Variants in GRID1 observed in about 807,000 individuals in gnomAD.
GRID1 encodes glutamate receptor ionotropic, delta-1.
Under a neutral mutation model 98.0 loss-of-function variants are expected in GRID1, and 28 were observed. The ratio of observed to expected loss-of-function variants is 0.29; its 90% CI spans 0.21 to 0.39. The LOEUF (loss-of-function observed/expected upper bound fraction) is 0.39. GRID1 is among the 10% of genes least tolerant of loss of function. The pLI is 1.00. For missense variants in GRID1, 1,111 were observed against 1,340.5 expected, an observed-to-expected ratio of 0.83 and a Z score of 2.67; for synonymous variants, 553 against 538.5, an observed-to-expected ratio of 1.03 and a Z score of -0.37.
Position 85,617,928 on chromosome 10 carries a change from C to G in GRID1, c.2360+1939G>C, listed in dbSNP as rs550875926. 1.4e-4 allele frequency among the ~76,000 whole-genome samples: 22 copies of G among 152,302 alleles called. 2 individuals are homozygous for G. The South Asian group carries it at 4.4e-3, about 30-fold the overall frequency. On this transcript the variant is annotated intron_variant, in intron 14 of 15. Transcript: ENST00000327946. Reference sequence around the variant, plus strand: ...CACACACCCCATGTTGGCCCTGGCCCTGGTCCTCTGAAGCCACACAAAGGA... The same window carrying G: ...CACACACCCCATGTTGGCCCTGGCCGTGGTCCTCTGAAGCCACACAAAGGA...
intron 2 of GRID1, among the ~76,000 whole-genome samples, chr10:86,319,609 A>G (rs533085186): frequency 9.9e-4 from 150 of 151,584 alleles, no homozygotes; most frequent in African/African-American, 3.0e-3. Flanking sequence ...CCATCCCACC[A>G]TGGGGAGCAC....
At chr10:86,126,484 T>C (rs979802379) in intron 4 of GRID1, among the ~76,000 whole-genome samples, 1 of 151,840 alleles carries the variant, frequency 6.6e-6, no homozygotes, top group African/African-American at 2.4e-5. Context: ...AGAAAAGAAA[T>C]AGGAACTCCT....
chr10:86,314,193 T>C (rs753742187), intron 2 of GRID1, among the ~76,000 whole-genome samples: 4 of 152,228 alleles, frequency 2.6e-5, no homozygotes, highest in Non-Finnish European at 5.9e-5. Context: ...GCCCCTCAGA[T>C]ACTGTAGCCA....
intron 4 of GRID1, among the ~76,000 whole-genome samples, chr10:86,004,531 A>C (rs1842836730): frequency 6.6e-6 from 1 of 152,168 alleles, no homozygotes; most frequent in Admixed American, 6.5e-5. Flanking sequence ...AATCAGTTGA[A>C]GGCATGAATA....
chr10:85,978,875 T>C (rs1589322122), intron 4 of GRID1, among the ~76,000 whole-genome samples: 2 of 152,326 alleles, frequency 1.3e-5, no homozygotes, highest in East Asian at 3.9e-4. Flanking sequence ...ACGCTTACAG[T>C]AACCCTCCAG....
chr10:86,286,014 T>A (rs977693017), intron 2 of GRID1, among the ~76,000 whole-genome samples: 1 of 152,186 alleles, frequency 6.6e-6, no homozygotes, highest in African/African-American at 2.4e-5. Flanking sequence ...AGGTGAGATG[T>A]AGATACAGAT....
intron 8 of GRID1, among the ~76,000 whole-genome samples, chr10:85,799,141 C>A (rs577883364): frequency 2.4e-4 from 37 of 152,154 alleles, no homozygotes; most frequent in African/African-American, 8.7e-4. Context: ...TTATGAAAAC[C>A]AGTTGGCTGT....
In GRID1 at chr10:85,647,224, C is replaced by T; in HGVS notation, c.2171G>A (p.Ser724Asn). 4 of 1,614,204 alleles carry T rather than the reference C, an allele frequency of 2.5e-6. No homozygotes were observed. Among genetic ancestry groups the T allele is most frequent in the Non-Finnish European group, 3.4e-6 (4 of 1,180,012 alleles). Residue 724 changes from serine to asparagine, a missense_variant, in exon 13 of 16, where the codon AGT becomes AAT. Around this residue, in one of 3 missense-constraint regions of GRID1, gnomAD observed 762 missense variants for 869.1 expected, o/e 0.88. Transcript: ENST00000327946. ...KNGGADNCVS[S>N]PSEGIRKAKK... is the part of the protein sequence containing the mutation. ...TACCTTCCTGATGCCTTCTGAAGGA[C>T]TGGACACGCAGTTGTCAGCCCCTCC...
In GRID1 at chr10:86,365,113, G is replaced by C. The variant is rs369374059; in HGVS notation, c.80-1017C>G. On this transcript the variant is annotated intron_variant, in intron 1 of 15. Coordinates refer to ENST00000327946, the MANE Select transcript of GRID1 (RefSeq NM_017551.3). This position sits in a 1 kb window ranked among gnomAD's most constrained non-coding sequence, Gnocchi z 4.8. ...GAGGCCCGGATTCCTCACTACACCCGGAGCCGGCGCCGCAATGCTGACCGC... is the reference window on the plus strand; with the variant it reads ...GAGGCCCGGATTCCTCACTACACCCCGAGCCGGCGCCGCAATGCTGACCGC... 8.5e-5 allele frequency among the ~76,000 whole-genome samples: 13 copies of C among 152,052 alleles called. No individual in the cohort carries two copies. The highest frequency in any genetic ancestry group is 3.1e-4 in the African/African-American group (13 of 41,392).
chr10:86,354,214 C>G (rs1336988373), intron 2 of GRID1, among the ~76,000 whole-genome samples: 3 of 152,126 alleles, frequency 2.0e-5, no homozygotes, highest in African/African-American at 7.2e-5. Flanking sequence ...GCACAGGCCA[C>G]AGCAGAGCCA....
chr10:86,261,141 G>A (rs532135261), intron 2 of GRID1, among the ~76,000 whole-genome samples: 2 of 152,232 alleles, frequency 1.3e-5, no homozygotes, highest in African/African-American at 4.8e-5. Context: ...CCACAACCCT[G>A]GGAGGTGGTA....
At chr10:85,698,155 G>A (rs372419538) in intron 12 of GRID1, among the ~76,000 whole-genome samples, 1 of 152,040 alleles carries the variant, frequency 6.6e-6, no homozygotes, top group African/African-American at 2.4e-5. Flanking sequence ...ACATTGTGCT[G>A]TCAAAAAACC....
intron 4 of GRID1, among the ~76,000 whole-genome samples, chr10:86,106,662 C>A (rs1844391837): frequency 6.6e-6 from 1 of 152,096 alleles, no homozygotes; most frequent in East Asian, 1.9e-4. Context: ...CCAAGTCATT[C>A]ACTTCTCTGA....
rs113309382 is a variant in GRID1, at chr10:85,991,199, T to G, written c.727-74960A>C. On this transcript the variant is annotated intron_variant, in intron 4 of 15. Transcript: ENST00000327946. ...TGGGTCTAGTTCCTTACGATGCTGG[T>G]GGATCCACTGATTGAATGTAGAATA... 2.8e-3 allele frequency among the ~76,000 whole-genome samples: 423 copies of G among 152,206 alleles called. 2 individuals carry two copies. The highest frequency in any genetic ancestry group is 9.1e-3 in the African/African-American group (379 of 41,524).
intron 12 of GRID1, among the ~76,000 whole-genome samples, chr10:85,648,305 C>T (rs924381994): frequency 2.6e-5 from 4 of 152,052 alleles, no homozygotes; most frequent in African/African-American, 9.7e-5. Context: ...AAGGACCAGT[C>T]GCTATGAAGA....
At chr10:85,701,707 T>C (rs1208034468) in intron 12 of GRID1, among the ~76,000 whole-genome samples, 10 of 152,146 alleles carry the variant, frequency 6.6e-5, no homozygotes, top group African/African-American at 2.4e-4. Flanking sequence ...AACTGATTAT[T>C]CTAAAGGAAG....
rs1036236796 is a variant in GRID1, at chr10:86,161,394, G to A, written c.521-22370C>T. ...GCTGAGTCAGGACAGGCAGCTGCGG[G>A]AAGGGAACAGCATTTACGAAGCTCC... On this transcript the variant is annotated intron_variant, in intron 3 of 15. Coordinates refer to ENST00000327946, the MANE Select transcript of GRID1 (RefSeq NM_017551.3). 2.6e-5 allele frequency among the ~76,000 whole-genome samples: 4 copies of A among 152,154 alleles called. No individual in the cohort carries two copies. In the South Asian group the frequency reaches 8.3e-4, roughly 32 times the overall value.
At chr10:85,990,566 A>G (rs1291838207) in intron 4 of GRID1, among the ~76,000 whole-genome samples, 3 of 152,248 alleles carry the variant, frequency 2.0e-5, no homozygotes, top group African/African-American at 7.2e-5. Flanking sequence ...ACCACAAGGA[A>G]GCAGCCAAAA....
chr10:85,692,652 G>C (rs1005141653), intron 12 of GRID1, among the ~76,000 whole-genome samples: 5 of 104,972 alleles, frequency 4.8e-5, no homozygotes, highest in African/African-American at 2.0e-4. Context: ...GTGCGACAGA[G>C]TGAGACCCTG....
Sources: gnomAD v4.1 joint callset for allele counts (sites outside exome capture counted in the v4.1 genomes callset) on GRCh38, gnomAD v4.1.1 for gene constraint, gnomAD v4.1.1 regional missense constraint, Gnocchi (gnomAD v3.1) non-coding constraint, MANE v1.5 for transcripts, NCBI Gene and HGNC (gene_info 2026-07-23, HGNC 2026-07-21) for gene names.